Variants in WDR64 observed in about 807,000 individuals in gnomAD.
WDR64 encodes WD repeat-containing protein 64.
Under a neutral mutation model 139.3 loss-of-function variants are expected in WDR64, and 112 were observed. That is an observed-to-expected ratio of 0.80 (90% CI 0.69 to 0.94). WDR64 has a LOEUF of 0.94. Ranked by LOEUF, WDR64 falls within the 40% of genes least tolerant of loss-of-function variation. The pLI, the probability that WDR64 is intolerant of heterozygous loss-of-function variation, is 0.00. For synonymous variants in WDR64, 444 were observed against 437.7 expected (o/e 1.01, Z -0.18); for missense variants, 1,206 against 1,293.1 (o/e 0.93, Z 1.03).
At chr1:241,677,822 C>T (rs567712604) in intron 4 of WDR64, among the ~76,000 whole-genome samples, 124 of 152,310 alleles carry the variant, frequency 8.1e-4, no homozygotes, top group African/African-American at 2.9e-3. Context: ...CATGTAACTA[C>T]TCTTGCCATT....
rs1406330889 is a variant in WDR64, at chr1:241,769,512, C to T, written c.2183+7C>T. 32 of 1,548,118 alleles carry T rather than the reference C, an allele frequency of 2.1e-5. No homozygotes were observed. Among genetic ancestry groups the T allele is most frequent in the Admixed American group, 7.8e-5 (4 of 50,974 alleles). On this transcript the variant is annotated splice_region_variant and intron_variant, in intron 17 of 27. Transcript: ENST00000437684. ...GTACCCCTGAATGTGCAAGGTAACT[C>T]GTTACTTACTGAACCAGTAATACTG...
intron 14 of WDR64, among the ~76,000 whole-genome samples, chr1:241,756,300 C>T (rs1438107724): frequency 6.6e-6 from 1 of 152,072 alleles, no homozygotes; most frequent in African/African-American, 2.4e-5. Flanking sequence ...TGTATTCCTA[C>T]ATATTTTATT....
chr1:241,657,497 A>G (rs940961524), intron 1 of WDR64, among the ~76,000 whole-genome samples: 1 of 152,000 alleles, frequency 6.6e-6, no homozygotes, highest in Non-Finnish European at 1.5e-5. Context: ...GGTACCTCAT[A>G]CCTACTGACC....
rs1275893053 is a variant in WDR64 at position 241,703,154 on chromosome 1, C to T, written c.975-8648C>T. 6.6e-6 allele frequency among the ~76,000 whole-genome samples: 1 copy of T among 152,154 alleles called. No homozygotes were observed. Among genetic ancestry groups the T allele is most frequent in the Non-Finnish European group, 1.5e-5 (1 of 68,018 alleles). ...CTTGTTTCCTGCCCTCATTCCCCACCAACTACCTCACCGTCACCGGGAGAA... is the reference window on the plus strand; with the variant it reads ...CTTGTTTCCTGCCCTCATTCCCCACTAACTACCTCACCGTCACCGGGAGAA... On this transcript the variant is annotated intron_variant, in intron 8 of 27. Coordinates refer to ENST00000437684, the MANE Select transcript of WDR64 (RefSeq NM_001367482.1). This position sits in a 1 kb window ranked among gnomAD's most constrained non-coding sequence, Gnocchi z 5.9.
intron 4 of WDR64, among the ~76,000 whole-genome samples, chr1:241,675,049 T>G (rs1376258392): frequency 8.1e-5 from 6 of 74,280 alleles, no homozygotes; most frequent in Admixed American, 1.3e-4. Flanking sequence ...CTTCTTTCCT[T>G]CCTTTTCTCC....
intron 13 of WDR64, among the ~76,000 whole-genome samples, chr1:241,745,178 T>C (rs977172536): frequency 6.6e-6 from 1 of 152,124 alleles, no homozygotes; most frequent in East Asian, 1.9e-4. Context: ...TATGACCGAT[T>C]GCATGAGCTA....
chr1:241,658,253 C>G (rs56214959), intron 1 of WDR64, among the ~76,000 whole-genome samples: 1 of 150,520 alleles, frequency 6.6e-6, no homozygotes, highest in Admixed American at 6.6e-5. Flanking sequence ...CAGGGAATTA[C>G]GAAATTTGAC....
intron 23 of WDR64, among the ~76,000 whole-genome samples, chr1:241,784,583 A>G (rs555497301): frequency 6.6e-6 from 1 of 152,206 alleles, no homozygotes; most frequent in Non-Finnish European, 1.5e-5. Context: ...AAAGAGCTTT[A>G]GAACGTTGAA....
chr1:241,656,376 T>A lies in WDR64; in HGVS notation c.145+3747T>A, dbSNP rs1376153802. On this transcript the variant is annotated intron_variant, in intron 1 of 27. Coordinates refer to ENST00000437684, the MANE Select transcript of WDR64 (RefSeq NM_001367482.1). The surrounding 1 kb of genome is among the most constrained non-coding windows in gnomAD (Gnocchi z 4.3). ...TTTGTTCAAAAGTAATGCTCTTAGATCTTGTGAGTGACCTGGGGGAATTAA... is the reference window on the plus strand; with the variant it reads ...TTTGTTCAAAAGTAATGCTCTTAGAACTTGTGAGTGACCTGGGGGAATTAA... Among the ~76,000 whole-genome samples the A allele has an allele frequency of 6.6e-6, 1 of 152,176 alleles. No homozygotes were observed. Among genetic ancestry groups the A allele is most frequent in the Non-Finnish European group, 1.5e-5 (1 of 68,024 alleles).
chr1:241,779,117 G>A (rs926309183), intron 21 of WDR64, among the ~76,000 whole-genome samples: 3 of 151,902 alleles, frequency 2.0e-5, no homozygotes, highest in Middle Eastern at 3.4e-3. Context: ...CTTTACTTTT[G>A]AAGGTTAATT....
intron 15 of WDR64, among the ~76,000 whole-genome samples, chr1:241,764,593 C>T (rs957560762): frequency 2.0e-5 from 3 of 151,924 alleles, no homozygotes; most frequent in African/African-American, 7.3e-5. Flanking sequence ...CCCAGGAGTT[C>T]GAGGTTGTAG....
intron 15 of WDR64, among the ~76,000 whole-genome samples, chr1:241,762,281 G>A (rs186496355): frequency 9.5e-4 from 144 of 151,132 alleles, no homozygotes; most frequent in Non-Finnish European, 1.8e-3. Flanking sequence ...CATTTTCAAT[G>A]AGCAGTAATA....
intron 8 of WDR64, among the ~76,000 whole-genome samples, chr1:241,709,490 T>C (rs929730082): frequency 2.6e-5 from 4 of 152,178 alleles, no homozygotes; most frequent in Non-Finnish European, 4.4e-5. Flanking sequence ...GGGCTCATAC[T>C]ATGGTTCCAG....
At chr1:241,776,383 A>C (rs867706819) in intron 21 of WDR64, among the ~76,000 whole-genome samples, 84 of 152,054 alleles carry the variant, frequency 5.5e-4, no homozygotes, top group African/African-American at 2.0e-3. Flanking sequence ...CCAGCCTCAA[A>C]ATTTATTTTA....
Position 241,801,483 on chromosome 1 carries a change from G to A in WDR64, c.*268G>A. On this transcript the variant is annotated 3_prime_UTR_variant, in exon 28 of 28. Transcript: ENST00000437684. Reference sequence around the variant, plus strand: ...CATAAGAAAACAAATGAAATCAACAGCATTAGTAGGTCTAAAATAATATGG... The same window carrying A: ...CATAAGAAAACAAATGAAATCAACAACATTAGTAGGTCTAAAATAATATGG... 2.1e-6 allele frequency: 1 copy of A among 474,964 alleles called. No homozygotes were observed. The highest frequency in any genetic ancestry group is 1.9e-5 in the African/African-American group (1 of 51,828). 29.4% of individuals were successfully genotyped at this position (474,964 alleles called of 1,614,324 possible).
intron 1 of WDR64, among the ~76,000 whole-genome samples, chr1:241,658,416 C>T (rs1244080871): frequency 1.3e-5 from 2 of 151,834 alleles, no homozygotes; most frequent in African/African-American, 2.4e-5. Context: ...GTGGGAGGAT[C>T]GCTTGAAGCT....
At chr1:241,715,937 T>A (rs977264479) in intron 9 of WDR64, among the ~76,000 whole-genome samples, 3 of 152,178 alleles carry the variant, frequency 2.0e-5, no homozygotes, top group African/African-American at 7.2e-5. Context: ...ATCTACAGCT[T>A]GAAAACGTGT....
intron 10 of WDR64, among the ~76,000 whole-genome samples, chr1:241,734,828 A>G (rs1669233813): frequency 1.3e-5 from 2 of 152,214 alleles, no homozygotes; most frequent in Non-Finnish European, 2.9e-5. Context: ...TGGTGATCAT[A>G]TAACTATACC....
chr1:241,654,981 C>G (rs1186197862), intron 1 of WDR64, among the ~76,000 whole-genome samples: 1 of 152,194 alleles, frequency 6.6e-6, no homozygotes, highest in Non-Finnish European at 1.5e-5. Flanking sequence ...AATCCATAAT[C>G]TGAAACACTT....
Sources: allele counts gnomAD v4.1 joint callset (sites outside exome capture counted in the v4.1 genomes callset), GRCh38; gene constraint gnomAD v4.1.1; non-coding constraint Gnocchi (gnomAD v3.1); transcripts MANE v1.5; gene names NCBI Gene and HGNC (gene_info 2026-07-23, HGNC 2026-07-21).